AKAP6: variants seen among roughly 807,000 people sequenced by gnomAD.
AKAP6 encodes the protein A-kinase anchoring protein 6, also known as A-kinase anchor protein 6.
A neutral mutation model predicts 188.5 loss-of-function variants in AKAP6; 58 were observed. The ratio of observed to expected loss-of-function variants is 0.31; its 90% CI spans 0.25 to 0.38. The LOEUF is 0.38. Among genes scored for constraint, AKAP6 ranks in the 10% least tolerant of loss-of-function variants. The pLI is 1.00. For missense variants in AKAP6, 2,710 were observed against 2,740.0 expected, an observed-to-expected ratio of 0.99 and a Z score of 0.24; for synonymous variants, 989 against 998.6, an observed-to-expected ratio of 0.99 and a Z score of 0.18.
chr14:32,557,727 C>A (rs1328809235), intron 4 of AKAP6, among the ~76,000 whole-genome samples: 1 of 152,146 alleles, frequency 6.6e-6, no homozygotes, highest in Non-Finnish European at 1.5e-5. Context: ...TTTGCATGTG[C>A]CTTTCCCTTA....
At chr14:32,352,486 A>G (rs1000849375) in intron 1 of AKAP6, among the ~76,000 whole-genome samples, 8 of 152,074 alleles carry the variant, frequency 5.3e-5, no homozygotes, top group African/African-American at 1.4e-4. Context: ...GTACTGTGCA[A>G]TAGAATACCA....
chr14:32,434,553 C>G (rs1890323015), intron 2 of AKAP6, among the ~76,000 whole-genome samples: 1 of 152,214 alleles, frequency 6.6e-6, no homozygotes, highest in Admixed American at 6.5e-5. Context: ...GGTCAGTGAC[C>G]TGCAGAGCAA....
chr14:32,466,256 T>G (rs796624016), intron 2 of AKAP6, among the ~76,000 whole-genome samples: 4 of 152,264 alleles, frequency 2.6e-5, no homozygotes, highest in African/African-American at 9.6e-5. Context: ...AAATCATTCT[T>G]GTATAGAGAT....
intron 11 of AKAP6, among the ~76,000 whole-genome samples, chr14:32,740,588 A>G (rs185501817): frequency 5.1e-4 from 78 of 152,124 alleles, no homozygotes; most frequent in African/African-American, 1.8e-3. Flanking sequence ...TCTTCTGCAT[A>G]TAGAGATCCA....
chr14:32,708,169 A>ATT lies in AKAP6; in HGVS notation c.3000+12059_3000+12060insTT, dbSNP rs201620145. Among the ~76,000 whole-genome samples the ATT allele has an allele frequency of 9.3e-4, 141 of 152,226 alleles. 3 individuals are homozygous for ATT. The East Asian group carries it at 0.019, about 20-fold the overall frequency. On this transcript the variant is annotated intron_variant, in intron 9 of 13. Coordinates refer to ENST00000280979, the MANE Select transcript of AKAP6 (RefSeq NM_004274.5). ...AGACAATAGATGTAGGTGAATATCA[A>ATT]CAGTAATTAGAAATGGTAGGTATAG...
In AKAP6 at chr14:32,568,583, A is replaced by G. The variant is rs527358669; in HGVS notation, c.2347-8537A>G. Among the ~76,000 whole-genome samples the G allele has an allele frequency of 1.3e-5, 2 of 152,264 alleles. No individual in the cohort carries two copies. The highest frequency in any genetic ancestry group is 6.5e-5 in the Admixed American group (1 of 15,280). Reference sequence around the variant, plus strand: ...TAAAGATGATCTGATCTGCTTATCCAGTGTCTTGGAGGATTGGGGGTGCTT... The same window carrying G: ...TAAAGATGATCTGATCTGCTTATCCGGTGTCTTGGAGGATTGGGGGTGCTT... On this transcript the variant is annotated intron_variant, in intron 4 of 13. Transcript: ENST00000280979. The surrounding 1 kb of genome is among the most constrained non-coding windows in gnomAD (Gnocchi z 6.2).
chr14:32,608,895 T>G lies in AKAP6; in HGVS notation c.2730+8103T>G, dbSNP rs559521818. 1.2e-4 allele frequency among the ~76,000 whole-genome samples: 18 copies of G among 152,244 alleles called. No homozygotes were observed. The South Asian group carries it at 3.7e-3, about 32-fold the overall frequency. On this transcript the variant is annotated intron_variant, in intron 7 of 13. Transcript: ENST00000280979. ...GAGGTCAAACATTTTAAAAATCTAT[T>G]AATGTAAGTATTTAAGCACAAAAAA...
chr14:32,512,477 G>T (rs757030511), intron 2 of AKAP6, among the ~76,000 whole-genome samples: 57 of 152,172 alleles, frequency 3.7e-4, no homozygotes, highest in Middle Eastern at 3.2e-3. Context: ...GCACTTTTGA[G>T]TGCTTTGAGG....
At chr14:32,560,097 C>G (rs528245453) in intron 4 of AKAP6, among the ~76,000 whole-genome samples, 2 of 152,014 alleles carry the variant, frequency 1.3e-5, no homozygotes, top group Non-Finnish European at 2.9e-5. Flanking sequence ...ACAAATGTCT[C>G]CAAGGCATAC....
rs371800928 is a variant in AKAP6 at position 32,541,233 on chromosome 14, G to A, written c.577-3997G>A. On this transcript the variant is annotated intron_variant, in intron 3 of 13. Coordinates refer to ENST00000280979, the MANE Select transcript of AKAP6 (RefSeq NM_004274.5). ...GAAGCATTAAGTGTTTTTGAGTATG[G>A]CGTTTTCTTTTCTAAACCAGGAACT... Among the ~76,000 whole-genome samples the A allele has an allele frequency of 3.4e-4, 52 of 152,018 alleles. No homozygotes were observed. The East Asian group carries it at 6.4e-3, about 19-fold the overall frequency.
intron 7 of AKAP6, among the ~76,000 whole-genome samples, chr14:32,670,922 G>A (rs1889162312): frequency 6.6e-6 from 1 of 152,126 alleles, no homozygotes; most frequent in South Asian, 2.1e-4. Context: ...TTCAAACTCA[G>A]TAAAATTTAT....
chr14:32,688,867 A>G (rs1406722963), intron 8 of AKAP6, among the ~76,000 whole-genome samples: 1 of 152,170 alleles, frequency 6.6e-6, no homozygotes, highest in African/African-American at 2.4e-5. Flanking sequence ...TTGTGCTACC[A>G]GGCTTTTGTT....
chr14:32,692,801 C>T (rs934224425), intron 8 of AKAP6, among the ~76,000 whole-genome samples: 1 of 152,190 alleles, frequency 6.6e-6, no homozygotes, highest in Admixed American at 6.5e-5. Flanking sequence ...TTCAGTGGTG[C>T]ACATGTATGA....
intron 1 of AKAP6, chr14:32,403,358 C>G (rs969288811): frequency 3.3e-5 from 5 of 152,194 alleles, no homozygotes; most frequent in African/African-American, 1.2e-4. Flanking sequence ...TAAGAGTTCT[C>G]TTGGGATACC....
At chr14:32,649,560 T>C (rs1956202) in intron 7 of AKAP6, among the ~76,000 whole-genome samples, 81,868 of 151,974 alleles carry the variant, frequency 0.54, 22,441 homozygotes, top group African/African-American at 0.62. Flanking sequence ...TTTGTTGTTA[T>C]TTTGTGTTTA....
intron 2 of AKAP6, among the ~76,000 whole-genome samples, chr14:32,454,826 TCCTTCTC>T (rs1891094788): frequency 2.6e-5 from 1 of 38,890 alleles, no homozygotes. Context: ...CCTCCTTCCC[TCCTTCTC>T]TCCTTCCCTC....
At chr14:32,539,520 C>T (rs541549218) in intron 3 of AKAP6, among the ~76,000 whole-genome samples, 1 of 152,162 alleles carries the variant, frequency 6.6e-6, no homozygotes, top group Admixed American at 6.6e-5. Flanking sequence ...GTAAAAAAAT[C>T]TGATTAGTTG....
At chr14:32,560,564 T>C (rs569070864) in intron 4 of AKAP6, among the ~76,000 whole-genome samples, 1 of 152,360 alleles carries the variant, frequency 6.6e-6, no homozygotes, top group African/African-American at 2.4e-5. Flanking sequence ...GTGAAAATAG[T>C]TCTTTGTAAT....
chr14:32,693,229 C>G (rs1239398511), intron 8 of AKAP6, among the ~76,000 whole-genome samples: 1 of 152,090 alleles, frequency 6.6e-6, no homozygotes, highest in African/African-American at 2.4e-5. Flanking sequence ...TACCTCTTGG[C>G]TTGGTCAGGG....
Sources: allele counts gnomAD v4.1 joint callset (sites outside exome capture counted in the v4.1 genomes callset), GRCh38; gene constraint gnomAD v4.1.1; non-coding constraint Gnocchi (gnomAD v3.1); transcripts MANE v1.5; gene names NCBI Gene and HGNC (gene_info 2026-07-23, HGNC 2026-07-21).